THSD7A: variants seen among roughly 807,000 people sequenced by gnomAD.
The protein encoded by THSD7A is thrombospondin type 1 domain containing 7A, also known as thrombospondin type-1 domain-containing protein 7A.
In THSD7A, 96 loss-of-function variants were observed where a neutral mutation model predicts 231.3. The observed-to-expected ratio is 0.41, with a 90% CI of 0.35 to 0.49. The LOEUF (loss-of-function observed/expected upper bound fraction) is 0.49. Among genes scored for constraint, THSD7A ranks in the 20% least tolerant of loss-of-function variants. The pLI is 0.05. For synonymous variants in THSD7A, 940 were observed against 743.3 expected, an observed-to-expected ratio of 1.26 and a Z score of -4.30; for missense variants, 2,290 against 2,070.2, an observed-to-expected ratio of 1.11 and a Z score of -2.06.
chr7:11,800,303 C>T (rs968786127), intron 1 of THSD7A, among the ~76,000 whole-genome samples: 3 of 152,188 alleles, frequency 2.0e-5, no homozygotes, highest in East Asian at 1.9e-4. Flanking sequence ...AATCCCAGCA[C>T]TTTTGGAGGC....
intron 6 of THSD7A, among the ~76,000 whole-genome samples, chr7:11,536,767 T>G (rs1375179588): frequency 6.6e-6 from 1 of 152,176 alleles, no homozygotes; most frequent in Non-Finnish European, 1.5e-5. Flanking sequence ...TGGAACAATC[T>G]ATGAATATTC....
chr7:11,530,601 A>C (rs1788663668), intron 6 of THSD7A, among the ~76,000 whole-genome samples: 1 of 152,162 alleles, frequency 6.6e-6, no homozygotes, highest in African/African-American at 2.4e-5. Context: ...AAAATGTACA[A>C]TGGTGTAATG....
intron 6 of THSD7A, among the ~76,000 whole-genome samples, chr7:11,491,099 T>G (rs1786872146): frequency 6.6e-6 from 1 of 152,088 alleles, no homozygotes; most frequent in Admixed American, 6.6e-5. Flanking sequence ...ATGTGTGGAC[T>G]TGTGGAAAGT....
intron 2 of THSD7A, among the ~76,000 whole-genome samples, chr7:11,612,531 C>T (rs1343036314): frequency 3.3e-5 from 5 of 152,168 alleles, no homozygotes; most frequent in African/African-American, 1.2e-4. Flanking sequence ...TTCCTTGAGA[C>T]ACATTGCAAA....
rs754165592 is a variant in THSD7A, at chr7:11,636,273, A to G, written c.879T>C (p.Asp293=). The G allele has an allele frequency of 4.3e-6, 7 of 1,613,786 alleles. No homozygotes were observed. The highest frequency in any genetic ancestry group is 1.6e-4 in the Middle Eastern group (1 of 6,062). The change falls in exon 2 of 28, where the codon GAT becomes GAC. Residue 293 remains aspartate (D), a synonymous_variant. Transcript: ENST00000423059. The surrounding 1 kb of genome is among the most constrained non-coding windows in gnomAD (Gnocchi z 10.0). The part of the protein sequence containing the change: ...REKDRSKGVK[D]PEARELIKKK... Reference sequence around the variant, plus strand: ...TCTTAATAAGCTCGCGGGCTTCTGGATCCTTTACTCCTTTGCTGCGGTCCT... The same window carrying G: ...TCTTAATAAGCTCGCGGGCTTCTGGGTCCTTTACTCCTTTGCTGCGGTCCT...
intron 3 of THSD7A, among the ~76,000 whole-genome samples, chr7:11,591,217 G>C (rs1216129317): frequency 6.9e-6 from 1 of 145,196 alleles, no homozygotes; most frequent in African/African-American, 2.6e-5. Flanking sequence ...ATGATGCAAA[G>C]AGCTGGCACT....
intron 1 of THSD7A, chr7:11,751,247 G>T (rs558219965): frequency 1.3e-5 from 2 of 152,224 alleles, no homozygotes; most frequent in East Asian, 3.9e-4. Context: ...TCCAACAGAT[G>T]CAGGTCTTCT....
At chr7:11,804,713 C>T (rs570828474) in intron 1 of THSD7A, among the ~76,000 whole-genome samples, 1 of 152,124 alleles carries the variant, frequency 6.6e-6, no homozygotes, top group Non-Finnish European at 1.5e-5. Context: ...GAAATGTAAA[C>T]CAGGCTTATG....
chr7:11,805,502 A>C (rs1015779625), intron 1 of THSD7A, among the ~76,000 whole-genome samples: 23 of 152,276 alleles, frequency 1.5e-4, no homozygotes, highest in Middle Eastern at 6.8e-3. Context: ...AAAATAAAGA[A>C]TAACAGAGAA....
At chr7:11,422,342 C>T (rs932349434) in intron 16 of THSD7A, among the ~76,000 whole-genome samples, 4 of 152,006 alleles carry the variant, frequency 2.6e-5, no homozygotes, top group African/African-American at 9.7e-5. Context: ...TTTATAGACC[C>T]ATCTATCCTG....
chr7:11,711,417 G>C (rs1780961200), intron 1 of THSD7A, among the ~76,000 whole-genome samples: 1 of 150,952 alleles, frequency 6.6e-6, no homozygotes, highest in Non-Finnish European at 1.5e-5. Flanking sequence ...TTTCTGAAAT[G>C]CTGTTTTAAC....
At position 11,372,924 on chromosome 7, in the gene THSD7A, T is replaced by C. The variant is rs140508100; in HGVS notation, c.*2870A>G. The C allele has an allele frequency of 3.7e-3, 562 of 152,100 alleles. 4 individuals carry two copies. Among genetic ancestry groups the C allele is most frequent in the African/African-American group, 0.013 (529 of 41,528 alleles). 9.4% of individuals were successfully genotyped at this position (152,100 alleles called of 1,614,324 possible). A position where few individuals can be genotyped will look rare whatever the true frequency, so the allele number is the denominator to read the frequency against. Reference sequence around the variant, plus strand: ...CTTCCCTTTGTCCAAAATAGCCAGATTGCTACGTTCTCCTCTTTCCACCTT... The same window carrying C: ...CTTCCCTTTGTCCAAAATAGCCAGACTGCTACGTTCTCCTCTTTCCACCTT... On this transcript the variant is annotated 3_prime_UTR_variant, in exon 28 of 28. Coordinates refer to ENST00000423059, the MANE Select transcript of THSD7A (RefSeq NM_015204.3).
intron 6 of THSD7A, among the ~76,000 whole-genome samples, chr7:11,503,125 T>C (rs891886058): frequency 6.6e-6 from 1 of 152,066 alleles, no homozygotes; most frequent in African/African-American, 2.4e-5. Context: ...CATAGACCAA[T>C]GGAACAGAAT....
chr7:11,407,296 A>G lies in THSD7A; in HGVS notation c.3916+10T>C. ...CCAGTAGCCTAATATAAGTTATGGT[A>G]CAAACAAACCTGTGAGGCCACATGT... On this transcript the variant is annotated intron_variant, in intron 20 of 27. Transcript: ENST00000423059. 1.2e-6 allele frequency: 2 copies of G among 1,605,506 alleles called. No individual in the cohort carries two copies. Among genetic ancestry groups the G allele is most frequent in the Middle Eastern group, 1.7e-4 (1 of 6,052 alleles).
At chr7:11,403,602 A>T (rs904260919) in intron 22 of THSD7A, among the ~76,000 whole-genome samples, 4 of 152,220 alleles carry the variant, frequency 2.6e-5, no homozygotes, top group Non-Finnish European at 1.5e-5. Flanking sequence ...AGTGATTGAA[A>T]ATTACATGGA....
intron 4 of THSD7A, among the ~76,000 whole-genome samples, chr7:11,557,798 G>C (rs10273150): frequency 0.12 from 18,723 of 152,024 alleles, 2,423 homozygotes; most frequent in African/African-American, 0.32. Flanking sequence ...TGCTTTACCA[G>C]ATAGCAACTA....
At chr7:11,542,322 A>C (rs1789186424) in intron 5 of THSD7A, among the ~76,000 whole-genome samples, 1 of 152,224 alleles carries the variant, frequency 6.6e-6, no homozygotes, top group South Asian at 2.1e-4. Flanking sequence ...ACATACTAGA[A>C]TCACTAGAAG....
intron 1 of THSD7A, among the ~76,000 whole-genome samples, chr7:11,646,163 A>C (rs964370577): frequency 6.6e-6 from 1 of 152,024 alleles, no homozygotes; most frequent in African/African-American, 2.4e-5. Flanking sequence ...ATGTGGTACT[A>C]ATAGCCTCAA....
At position 11,566,547 on chromosome 7, in the gene THSD7A, T is replaced by G. The variant is rs577261253; in HGVS notation, c.1454-23430A>C. Among the ~76,000 whole-genome samples the G allele has an allele frequency of 7.2e-5, 11 of 152,294 alleles. No homozygotes were observed. In the East Asian group the frequency reaches 1.2e-3, roughly 16 times the overall value. ...TGCTCCAAAGTACCATGGTACTACATGCATACCTATTAGAGATGCCATGTA... is the reference window on the plus strand; with the variant it reads ...TGCTCCAAAGTACCATGGTACTACAGGCATACCTATTAGAGATGCCATGTA... On this transcript the variant is annotated intron_variant, in intron 4 of 27. Coordinates refer to ENST00000423059, the MANE Select transcript of THSD7A (RefSeq NM_015204.3).
Sources: gnomAD v4.1 joint callset for allele counts (sites outside exome capture counted in the v4.1 genomes callset) on GRCh38, gnomAD v4.1.1 for gene constraint, Gnocchi (gnomAD v3.1) non-coding constraint, MANE v1.5 for transcripts, NCBI Gene and HGNC (gene_info 2026-07-23, HGNC 2026-07-21) for gene names.